The following IMPDH1 variants were observed in gnomAD, a reference collection of about 807,000 sequenced individuals.
The protein encoded by IMPDH1 is inosine-5'-monophosphate dehydrogenase 1.
Under a neutral mutation model 73.5 loss-of-function variants are expected in IMPDH1, and 41 were observed. The observed-to-expected ratio is 0.56, with a 90% CI of 0.43 to 0.72. The LOEUF (loss-of-function observed/expected upper bound fraction) is 0.72. Among genes scored for constraint, IMPDH1 ranks in the 30% least tolerant of loss-of-function variants. IMPDH1 has a pLI of 0.00. For synonymous variants in IMPDH1, 318 were observed against 334.3 expected (o/e 0.95, Z 0.53); for missense variants, 645 against 824.8 (o/e 0.78, Z 2.67).
Position 128,394,496 on chromosome 7 carries a change from C to A in IMPDH1, c.1654G>T (p.Gly552Cys), listed in dbSNP as rs149762411. The change falls in exon 15 of 17, where the codon GGC becomes TGC. Residue 552 changes from glycine (G) to cysteine (C), a missense_variant. Around this residue, in one of 2 missense-constraint regions of IMPDH1, gnomAD observed 459 missense variants for 638.2 expected, o/e 0.72. Transcript: ENST00000338791. The surrounding 1 kb of genome is among the most constrained non-coding windows in gnomAD (Gnocchi z 5.5). ...VPYLIAGIQH[G>C]CQDIGARSLS... ...CTGCGGGCCCCGATATCCTGGCAGC[C>A]GTGTTGGATGCCTGCTATGAGGTAG... 6.2e-7 allele frequency: 1 copy of A among 1,614,056 alleles called. No individual in the cohort carries two copies. The highest frequency in any genetic ancestry group is 1.1e-5 in the South Asian group (1 of 91,076).
At chr7:128,402,114 T>C (rs1798383260) in intron 5 of IMPDH1, among the ~76,000 whole-genome samples, 1 of 151,500 alleles carries the variant, frequency 6.6e-6, no homozygotes, top group South Asian at 2.1e-4. Context: ...TTTTTTTTTT[T>C]CTCTCTCTGA....
chr7:128,407,655 G>C (rs1798867057), intron 3 of IMPDH1, among the ~76,000 whole-genome samples: 2 of 152,182 alleles, frequency 1.3e-5, no homozygotes, highest in South Asian at 4.1e-4. Context: ...ACACAGCAGA[G>C]ACCAGCCCAG....
intron 10 of IMPDH1, among the ~76,000 whole-genome samples, chr7:128,397,535 T>TTGCA (rs1798012364): frequency 1.3e-5 from 2 of 152,188 alleles, no homozygotes; most frequent in Non-Finnish European, 2.9e-5. Flanking sequence ...AGGCCTTTGT[T>TTGCA]TGCAGTCTGT....
rs1562989495 is a variant in IMPDH1, at chr7:128,398,386, T to TC, written c.1074+27dup. The TC allele has an allele frequency of 6.3e-7, 1 of 1,585,154 alleles. No homozygotes were observed. Among genetic ancestry groups the TC allele is most frequent in the South Asian group, 1.1e-5 (1 of 90,396 alleles). Reference sequence around the variant, plus strand: ...CACTCTGCTGAACCACTCATCCATCTCCCCCACCACTCAGGCGGGGGCCTT... The same window carrying TC: ...CACTCTGCTGAACCACTCATCCATCTCCCCCCACCACTCAGGCGGGGGCCTT... On this transcript the variant is annotated intron_variant, in intron 10 of 16. Coordinates refer to ENST00000338791, the MANE Select transcript of IMPDH1 (RefSeq NM_000883.4). This position sits in a 1 kb window ranked among gnomAD's most constrained non-coding sequence, Gnocchi z 4.3.
At chr7:128,409,636 T>C (rs981331900) in intron 1 of IMPDH1, 120 bp downstream of exon 1, 20 of 1,508,330 alleles carry the variant, frequency 1.3e-5, no homozygotes, top group African/African-American at 5.5e-5. Context: ...GAGGCGGTAA[T>C]AGGGGAAGGG....
At position 128,394,051 on chromosome 7, in the gene IMPDH1, C is replaced by T. The variant is rs1455009448; in HGVS notation, c.1778+227G>A. ...CTGGCCACACCTCCTGTGCCCTGCTCGGGAGAGGCCCGAGGGGAGGGGAGG... is the reference window on the plus strand; with the variant it reads ...CTGGCCACACCTCCTGTGCCCTGCTTGGGAGAGGCCCGAGGGGAGGGGAGG... On this transcript the variant is annotated intron_variant, in intron 16 of 16. Coordinates refer to ENST00000338791, the MANE Select transcript of IMPDH1 (RefSeq NM_000883.4). The surrounding 1 kb of genome is among the most constrained non-coding windows in gnomAD (Gnocchi z 5.5). Among the ~76,000 whole-genome samples the T allele has an allele frequency of 2.0e-5, 3 of 152,098 alleles. No homozygotes were observed. Among genetic ancestry groups the T allele is most frequent in the African/African-American group, 7.2e-5 (3 of 41,430 alleles).
Position 128,400,838 on chromosome 7 carries a change from G to A in IMPDH1, c.558C>T (p.Ala186=), listed in dbSNP as rs746016843. The A allele has an allele frequency of 1.2e-6, 2 of 1,614,164 alleles. No individual in the cohort carries two copies. Among genetic ancestry groups the A allele is most frequent in the Admixed American group, 3.3e-5 (2 of 60,028 alleles). The change falls in exon 7 of 17, where the codon GCC becomes GCT. Residue 186 remains alanine, a synonymous_variant. Transcript: ENST00000338791. ...TTGCCTTGACCTTCCGCACCTCGTTGGCCTGGAACTCTGGGGTGCAGTTGT... is the reference window on the plus strand; with the variant it reads ...TTGCCTTGACCTTCCGCACCTCGTTAGCCTGGAACTCTGGGGTGCAGTTGT... The part of the protein sequence containing the change: ...IHHNCTPEFQ[A]NEVRKVKKFE...
chr7:128,392,657 G>A lies in IMPDH1; in HGVS notation c.*350C>T, dbSNP rs910403852. 9.6e-6 allele frequency: 3 copies of A among 313,766 alleles called. No individual in the cohort carries two copies. The highest frequency in any genetic ancestry group is 3.7e-5 in the South Asian group (1 of 26,676). 19.4% of individuals were successfully genotyped at this position (313,766 alleles called of 1,614,324 possible). A position where few individuals can be genotyped will look rare whatever the true frequency, so the allele number is the denominator to read the frequency against. ...TTTCCTGGGAGGCTAGGGGCAGGGA[G>A]GTGCCCTACAGGAGAAGCCAGGAGG... is the stretch of plus-strand genomic sequence containing the variant. On this transcript the variant is annotated 3_prime_UTR_variant, in exon 17 of 17. Coordinates refer to ENST00000338791, the MANE Select transcript of IMPDH1 (RefSeq NM_000883.4).
rs886061980 is a variant in IMPDH1, at chr7:128,392,285, G to A, written c.*722C>T. ...AGGGCATACAGACAGGATAGTGGAG[G>A]CGTTGAGACCTGCTTGATTTATTCC... On this transcript the variant is annotated 3_prime_UTR_variant, in exon 17 of 17. Transcript: ENST00000338791. 1.3e-5 allele frequency: 2 copies of A among 152,844 alleles called. No individual in the cohort carries two copies. The highest frequency in any genetic ancestry group is 2.9e-5 in the Non-Finnish European group (2 of 68,240). 9.5% of individuals were successfully genotyped at this position (152,844 alleles called of 1,614,324 possible). A position where few individuals can be genotyped will look rare whatever the true frequency, so the allele number is the denominator to read the frequency against.
chr7:128,400,051 G>T, intron 9 of IMPDH1, 44 bp downstream of exon 9: 1 of 1,408,316 alleles, frequency 7.1e-7, no homozygotes, highest in Non-Finnish European at 1.0e-6. Flanking sequence ...ACTGTGGACA[G>T]GGAGTCAGGC....
At position 128,409,938 on chromosome 7, in the gene IMPDH1, G is replaced by C; in HGVS notation, c.-37C>G. The C allele has an allele frequency of 7.5e-7, 1 of 1,327,728 alleles. No individual in the cohort carries two copies. The highest frequency in any genetic ancestry group is 2.0e-5 in the South Asian group (1 of 49,374). 82.2% of individuals were successfully genotyped at this position (1,327,728 alleles called of 1,614,324 possible). On this transcript the variant is annotated 5_prime_UTR_variant, in exon 1 of 17. Transcript: ENST00000338791. Reference sequence around the variant, plus strand: ...AGCTCAGGGCGGGCGGGAGCCTGGAGGCTCCCGGGGCCCCGGCTGGGCAGT... The same window carrying C: ...AGCTCAGGGCGGGCGGGAGCCTGGACGCTCCCGGGGCCCCGGCTGGGCAGT...
In IMPDH1 at chr7:128,398,399, A is replaced by C; in HGVS notation, c.1074+15T>G. 2.5e-6 allele frequency: 4 copies of C among 1,605,766 alleles called. No individual in the cohort carries two copies. The highest frequency in any genetic ancestry group is 3.4e-6 in the Non-Finnish European group (4 of 1,173,602). ...CACTCATCCATCTCCCCCACCACTC[A>C]GGCGGGGGCCTTACCAAGACTATGA... is the stretch of plus-strand genomic sequence containing the variant. On this transcript the variant is annotated intron_variant, in intron 10 of 16. Transcript: ENST00000338791. This position sits in a 1 kb window ranked among gnomAD's most constrained non-coding sequence, Gnocchi z 4.3.
chr7:128,393,074 C>G, intron 16 of IMPDH1, 46 bp from the exon 17 acceptor site: 1 of 1,607,332 alleles, frequency 6.2e-7, no homozygotes. Flanking sequence ...GTGTGTGGAC[C>G]CTGCTCCTTC....
intron 4 of IMPDH1, 69 bp downstream of exon 4, chr7:128,405,698 G>C (rs1798677549): frequency 5.3e-5 from 79 of 1,496,282 alleles, no homozygotes; most frequent in Non-Finnish European, 6.9e-5. Context: ...AGCCGCGCAC[G>C]TGCAGGGCCG....
intron 1 of IMPDH1, 87 bp downstream of exon 1, chr7:128,409,669 C>A (rs555394020): frequency 1.1e-5 from 16 of 1,512,604 alleles, no homozygotes; most frequent in Non-Finnish European, 1.3e-5. Flanking sequence ...GCCCCTCCCC[C>A]GCAGCGTCGC....
intron 3 of IMPDH1, among the ~76,000 whole-genome samples, chr7:128,406,300 C>CCT (rs1798765824): frequency 2.9e-4 from 1 of 3,398 alleles, no homozygotes; most frequent in African/African-American, 1.2e-3. Context: ...CCCACACCCC[C>CCT]ACACCCCCCA....
intron 4 of IMPDH1, among the ~76,000 whole-genome samples, chr7:128,404,124 G>A (rs565352471): frequency 6.6e-6 from 1 of 152,336 alleles, no homozygotes; most frequent in African/African-American, 2.4e-5. Context: ...TTGATGGGGA[G>A]AGAAAATAAG....
chr7:128,409,766 CG>C lies in IMPDH1; in HGVS notation c.135del (p.Tyr45Ter). 6.6e-7 allele frequency: 1 copy of C among 1,522,096 alleles called. No individual in the cohort carries two copies. The highest frequency in any genetic ancestry group is 8.8e-7 in the Non-Finnish European group (1 of 1,141,226). The allele number at this position is 1,522,096 out of a possible 1,614,324, so 94.3% of individuals were successfully genotyped here. On this transcript the variant is annotated frameshift_variant, in exon 1 of 17. Transcript: ENST00000338791. LOFTEE classifies it high-confidence loss of function. ...TGCCCTGGGCGTCACCTCTCGGGCT[CG>C]TAGCCGGCCTGCAGCAGTCGGGCGC... is the stretch of plus-strand genomic sequence containing the variant. The part of the protein sequence containing the change: ...RYSARLLQAG[Y>X]EPESPRLDLA...
rs1797778963 is a variant in IMPDH1, at chr7:128,394,610, G to T, written c.1551-11C>A. 1 of 1,613,104 alleles carries T rather than the reference G, an allele frequency of 6.2e-7. No individual in the cohort carries two copies. The highest frequency in any genetic ancestry group is 8.5e-7 in the Non-Finnish European group (1 of 1,179,954). ...ACTTTATCCCCCTCGCTGCGTGGAG[G>T]GTGGAAGACTGAGCCCAGCAGCTTG... On this transcript the variant is annotated splice_polypyrimidine_tract_variant and intron_variant, in intron 14 of 16. Coordinates refer to ENST00000338791, the MANE Select transcript of IMPDH1 (RefSeq NM_000883.4). This position sits in a 1 kb window ranked among gnomAD's most constrained non-coding sequence, Gnocchi z 5.5.
Sources: gnomAD v4.1 joint callset for allele counts (sites outside exome capture counted in the v4.1 genomes callset) on GRCh38, gnomAD v4.1.1 for gene constraint, gnomAD v4.1.1 regional missense constraint, Gnocchi (gnomAD v3.1) non-coding constraint, MANE v1.5 for transcripts, NCBI Gene and HGNC (gene_info 2026-07-23, HGNC 2026-07-21) for gene names.